Variants in TNR observed in about 807,000 individuals in gnomAD.
TNR encodes tenascin-R.
In TNR, 45 loss-of-function variants were observed where a neutral mutation model predicts 150.4. That is an observed-to-expected ratio of 0.30 (90% CI 0.24 to 0.38). TNR has a LOEUF of 0.38. Ranked by LOEUF, TNR falls within the 10% of genes least tolerant of loss-of-function variation. The pLI is 1.00. For synonymous variants in TNR, 687 were observed against 678.4 expected, an observed-to-expected ratio of 1.01 and a Z score of -0.20; for missense variants, 1,544 against 1,759.1, an observed-to-expected ratio of 0.88 and a Z score of 2.19.
intron 2 of TNR, among the ~76,000 whole-genome samples, chr1:175,446,823 G>A (rs1328946863): frequency 6.6e-6 from 1 of 152,082 alleles, no homozygotes; most frequent in Non-Finnish European, 1.5e-5. Flanking sequence ...GGTACTCAGG[G>A]TGTGGCTGCC....
intron 1 of TNR, among the ~76,000 whole-genome samples, chr1:175,543,506 A>G (rs1534903): frequency 0.67 from 101,808 of 151,994 alleles, 34,403 homozygotes; most frequent in Admixed American, 0.72. Context: ...TAAAACTGAC[A>G]AGTAGAAAAA....
intron 8 of TNR, among the ~76,000 whole-genome samples, chr1:175,382,760 C>T (rs1340508636): frequency 1.3e-5 from 2 of 152,086 alleles, no homozygotes; most frequent in African/African-American, 4.8e-5. Context: ...AGTAGCTGGG[C>T]ATGGTGGCAG....
At chr1:175,327,569 G>A (rs1649472212) in intron 21 of TNR, among the ~76,000 whole-genome samples, 1 of 152,052 alleles carries the variant, frequency 6.6e-6, no homozygotes, top group African/African-American at 2.4e-5. Flanking sequence ...GAATTCCTCT[G>A]CCCCTTGGTT....
intron 1 of TNR, among the ~76,000 whole-genome samples, chr1:175,530,782 A>G (rs1358853437): frequency 6.6e-6 from 1 of 151,470 alleles, no homozygotes; most frequent in Non-Finnish European, 1.5e-5. Context: ...AACTATCCAC[A>G]TTACCTCGGC....
chr1:175,566,775 C>T (rs1661661660), intron 1 of TNR, among the ~76,000 whole-genome samples: 1 of 152,212 alleles, frequency 6.6e-6, no homozygotes, highest in African/African-American at 2.4e-5. Context: ...CCATCTATTC[C>T]ATCCCTCTGC....
intron 18 of TNR, among the ~76,000 whole-genome samples, chr1:175,352,058 T>C (rs1458634604): frequency 6.6e-6 from 1 of 152,226 alleles, no homozygotes; most frequent in Non-Finnish European, 1.5e-5. Flanking sequence ...GTTAATCTTC[T>C]GCTTATTTGA....
At chr1:175,698,362 G>A (rs543926684) in intron 1 of TNR, among the ~76,000 whole-genome samples, 2 of 152,320 alleles carry the variant, frequency 1.3e-5, no homozygotes, top group East Asian at 3.9e-4. Flanking sequence ...GAGCAGACGT[G>A]AAGGAACCGA....
intron 8 of TNR, among the ~76,000 whole-genome samples, chr1:175,380,519 C>T (rs987861473): frequency 6.0e-5 from 9 of 150,214 alleles, no homozygotes; most frequent in African/African-American, 2.0e-4. Flanking sequence ...TGCAGCGAGC[C>T]GAGATCACAC....
intron 1 of TNR, among the ~76,000 whole-genome samples, chr1:175,706,245 A>G (rs1226339996): frequency 6.6e-6 from 1 of 152,232 alleles, no homozygotes; most frequent in African/African-American, 2.4e-5. Context: ...CTTTAAATTA[A>G]GCACCAAATA....
chr1:175,440,579 G>A (rs1655737444), intron 2 of TNR, among the ~76,000 whole-genome samples: 1 of 151,744 alleles, frequency 6.6e-6, no homozygotes, highest in African/African-American at 2.4e-5. Context: ...AAGAGAAAGA[G>A]AGCTCATTGA....
At chr1:175,657,187 C>T (rs902360862) in intron 1 of TNR, among the ~76,000 whole-genome samples, 5 of 152,090 alleles carry the variant, frequency 3.3e-5, no homozygotes, top group Non-Finnish European at 7.4e-5. Flanking sequence ...GCCAGGTGAC[C>T]ATCAGAGAAA....
At chr1:175,488,995 G>A (rs1056331867) in intron 2 of TNR, among the ~76,000 whole-genome samples, 16 of 152,188 alleles carry the variant, frequency 1.1e-4, no homozygotes, top group Admixed American at 8.5e-4. Context: ...AAAGTCTACC[G>A]CGGGTGGGTT....
At chr1:175,671,306 G>A (rs1354471231) in intron 1 of TNR, among the ~76,000 whole-genome samples, 1 of 152,224 alleles carries the variant, frequency 6.6e-6, no homozygotes, top group Non-Finnish European at 1.5e-5. Context: ...GCCAGGAGAT[G>A]CAGAGACATA....
At chr1:175,376,965 G>A (rs571089501) in intron 9 of TNR, among the ~76,000 whole-genome samples, 12 of 150,524 alleles carry the variant, frequency 8.0e-5, no homozygotes, top group South Asian at 2.1e-4. Context: ...TTTTCCCATC[G>A]CTTCTAGGTC....
intron 1 of TNR, among the ~76,000 whole-genome samples, chr1:175,655,571 CT>C (rs1665147161): frequency 6.6e-6 from 1 of 152,222 alleles, no homozygotes; most frequent in Non-Finnish European, 1.5e-5. Context: ...CTGATGAGTG[CT>C]GTGGGAGTCC....
chr1:175,451,703 A>G (rs1656329336), intron 2 of TNR, among the ~76,000 whole-genome samples: 1 of 152,232 alleles, frequency 6.6e-6, no homozygotes, highest in South Asian at 2.1e-4. Flanking sequence ...CTATCTCAGC[A>G]GCAGGTAGAG....
At chr1:175,734,471 G>A (rs1351953351) in intron 1 of TNR, among the ~76,000 whole-genome samples, 1 of 152,220 alleles carries the variant, frequency 6.6e-6, no homozygotes, top group Non-Finnish European at 1.5e-5. Context: ...GTTGGGCAGA[G>A]TTTCATCGAC....
chr1:175,523,889 C>A (rs1329924322), intron 2 of TNR, among the ~76,000 whole-genome samples: 1 of 152,218 alleles, frequency 6.6e-6, no homozygotes, highest in Non-Finnish European at 1.5e-5. Flanking sequence ...CCTCAATACT[C>A]CTTGCCTCCC....
At chr1:175,639,964 A>G (rs1260336770) in intron 1 of TNR, among the ~76,000 whole-genome samples, 1 of 152,222 alleles carries the variant, frequency 6.6e-6, no homozygotes, top group Admixed American at 6.5e-5. Flanking sequence ...CTCCATGAGA[A>G]TGTAAACTCA....
Sources: gnomAD v4.1 joint callset for allele counts (sites outside exome capture counted in the v4.1 genomes callset) on GRCh38, gnomAD v4.1.1 for gene constraint, MANE v1.5 for transcripts, NCBI Gene and HGNC (gene_info 2026-07-23, HGNC 2026-07-21) for gene names.